GMDS: variants seen among roughly 807,000 people sequenced by gnomAD.
GMDS encodes the protein GDP-mannose 4,6 dehydratase.
Under a neutral mutation model 49.9 loss-of-function variants are expected in GMDS, and 20 were observed. That is an observed-to-expected ratio of 0.40 (90% CI 0.28 to 0.58). The LOEUF (loss-of-function observed/expected upper bound fraction) is 0.58, where lower values mean the gene tolerates loss of function less well. GMDS is among the 20% of genes least tolerant of loss of function. GMDS has a pLI of 0.42. For synonymous variants in GMDS, 177 were observed against 178.6 expected (o/e 0.99, Z 0.07); for missense variants, 362 against 481.4 (o/e 0.75, Z 2.32).
At chr6:1,901,784 T>C (rs967667937) in intron 7 of GMDS, among the ~76,000 whole-genome samples, 1 of 152,224 alleles carries the variant, frequency 6.6e-6, no homozygotes, top group Non-Finnish European at 1.5e-5. Context: ...TGCTTGTTAC[T>C]AAGTTAGACG....
At chr6:1,903,220 T>C (rs1035725856) in intron 7 of GMDS, among the ~76,000 whole-genome samples, 10 of 152,220 alleles carry the variant, frequency 6.6e-5, no homozygotes, top group African/African-American at 2.4e-4. Context: ...TTTCTACAAA[T>C]AGTGGTAAAA....
At chr6:1,999,401 TG>T (rs1431809035) in intron 4 of GMDS, among the ~76,000 whole-genome samples, 1 of 151,514 alleles carries the variant, frequency 6.6e-6, no homozygotes, top group African/African-American at 2.4e-5. Flanking sequence ...AAAAACAAGC[TG>T]ATCTAGTATT....
chr6:1,653,364 A>T (rs1203740441), intron 9 of GMDS, among the ~76,000 whole-genome samples: 1 of 152,218 alleles, frequency 6.6e-6, no homozygotes, highest in African/African-American at 2.4e-5. Context: ...TAGGGTAAAG[A>T]TCATTACACA....
chr6:2,065,453 C>T (rs1426575582), intron 4 of GMDS, among the ~76,000 whole-genome samples: 1 of 152,166 alleles, frequency 6.6e-6, no homozygotes, highest in African/African-American at 2.4e-5. Flanking sequence ...GAGAAGGCTT[C>T]AGACGATCAA....
chr6:1,982,119 G>A (rs1005307820), intron 4 of GMDS, among the ~76,000 whole-genome samples: 7 of 152,008 alleles, frequency 4.6e-5, no homozygotes, highest in African/African-American at 1.7e-4. Flanking sequence ...CAGCCTGGCT[G>A]ACATGGTGAA....
At chr6:1,706,061 G>A (rs1302026676) in intron 9 of GMDS, among the ~76,000 whole-genome samples, 1 of 152,194 alleles carries the variant, frequency 6.6e-6, no homozygotes. Context: ...AACTAATATG[G>A]GAGGAAATAG....
intron 7 of GMDS, among the ~76,000 whole-genome samples, chr6:1,748,868 C>A (rs879902062): frequency 1.3e-5 from 2 of 152,172 alleles, no homozygotes; most frequent in Admixed American, 1.3e-4. Context: ...TTGAATGATA[C>A]CCCTTATGAT....
At chr6:2,017,281 C>T (rs917967632) in intron 4 of GMDS, among the ~76,000 whole-genome samples, 1 of 151,888 alleles carries the variant, frequency 6.6e-6, no homozygotes, top group African/African-American at 2.4e-5. Flanking sequence ...AAAAGAAATG[C>T]CATAAACAAC....
intron 7 of GMDS, among the ~76,000 whole-genome samples, chr6:1,928,992 A>AATAAATAC (rs1299018160): frequency 1.3e-5 from 2 of 151,934 alleles, no homozygotes; most frequent in Non-Finnish European, 2.9e-5. Flanking sequence ...TAAATAAATA[A>AATAAATAC]ATAAATAAAT....
intron 9 of GMDS, among the ~76,000 whole-genome samples, chr6:1,628,130 C>G (rs1762898965): frequency 6.6e-6 from 1 of 152,206 alleles, no homozygotes; most frequent in Non-Finnish European, 1.5e-5. Context: ...TGTTTGGCTG[C>G]AGCCATTTTT....
At chr6:2,038,966 T>C (rs527522327) in intron 4 of GMDS, among the ~76,000 whole-genome samples, 7 of 152,348 alleles carry the variant, frequency 4.6e-5, no homozygotes, top group Admixed American at 1.3e-4. Flanking sequence ...ACAGCGGGGA[T>C]ACATTCTGAG....
intron 7 of GMDS, among the ~76,000 whole-genome samples, chr6:1,805,314 A>G (rs536745455): frequency 7.9e-5 from 12 of 152,178 alleles, no homozygotes; most frequent in Non-Finnish European, 1.6e-4. Context: ...GACCAGGAGG[A>G]ACATATCTTA....
At chr6:1,929,547 A>G (rs1316295989) in intron 7 of GMDS, among the ~76,000 whole-genome samples, 2 of 152,250 alleles carry the variant, frequency 1.3e-5, no homozygotes, top group African/African-American at 4.8e-5. Context: ...ATTTCACAAT[A>G]GAATCATTAT....
At chr6:2,236,868 T>C (rs1201789076) in intron 1 of GMDS, among the ~76,000 whole-genome samples, 13 of 152,160 alleles carry the variant, frequency 8.5e-5, no homozygotes, top group Non-Finnish European at 1.8e-4. Context: ...GCATAATATA[T>C]ATATAATACA....
intron 4 of GMDS, among the ~76,000 whole-genome samples, chr6:2,069,076 T>C (rs950650522): frequency 3.3e-5 from 5 of 152,156 alleles, no homozygotes; most frequent in Admixed American, 6.5e-5. Flanking sequence ...GAGATATAGA[T>C]CAATGGAACA....
chr6:2,230,941 A>ACC lies in GMDS; in HGVS notation c.102+14378_102+14379dup, dbSNP rs56658390. ...ATTTAGTATTCTCTTCCCCCCTCCC[A>ACC]CCCCCCCCCCCCGTTCCTTCCCCTA... is the stretch of plus-strand genomic sequence containing the variant. On this transcript the variant is annotated intron_variant, in intron 1 of 10. Coordinates refer to ENST00000380815, the MANE Select transcript of GMDS (RefSeq NM_001500.4). Among the ~76,000 whole-genome samples the ACC allele has an allele frequency of 8.6e-3, 161 of 18,630 alleles. 6 individuals carry two copies. Among genetic ancestry groups the ACC allele is most frequent in the South Asian group, 0.078 (16 of 204 alleles). The allele number at this position is 18,630 out of a possible 152,430, so 12.2% of individuals were successfully genotyped here. A position where few individuals can be genotyped will look rare whatever the true frequency, so the allele number is the denominator to read the frequency against.
chr6:2,004,230 C>T (rs774527861), intron 4 of GMDS, among the ~76,000 whole-genome samples: 3 of 152,296 alleles, frequency 2.0e-5, no homozygotes, highest in East Asian at 1.9e-4. Context: ...GGTCATACAA[C>T]GCCTACAGCC....
intron 1 of GMDS, among the ~76,000 whole-genome samples, chr6:2,192,342 G>A (rs911414480): frequency 1.3e-5 from 2 of 152,150 alleles, no homozygotes; most frequent in Non-Finnish European, 2.9e-5. Flanking sequence ...GCTCCTCTTT[G>A]CCTTGCTCAC....
chr6:2,087,469 T>C (rs901711190), intron 4 of GMDS, among the ~76,000 whole-genome samples: 7 of 152,242 alleles, frequency 4.6e-5, no homozygotes, highest in Admixed American at 1.3e-4. Flanking sequence ...TGAGTATTCA[T>C]GAATTCTCTC....
Sources: gnomAD v4.1 joint callset for allele counts (sites outside exome capture counted in the v4.1 genomes callset) on GRCh38, gnomAD v4.1.1 for gene constraint, MANE v1.5 for transcripts, NCBI Gene and HGNC (gene_info 2026-07-23, HGNC 2026-07-21) for gene names.